Variants in NAA35 observed in about 807,000 individuals in gnomAD.
The protein encoded by NAA35 is N-alpha-acetyltransferase 35, NatC auxiliary subunit.
In NAA35, 18 loss-of-function variants were observed where a neutral mutation model predicts 101.7. That is an observed-to-expected ratio of 0.18 (90% CI 0.12 to 0.26). The LOEUF is 0.26. Ranked by LOEUF, NAA35 falls within the 10% of genes least tolerant of loss-of-function variation. The pLI is 1.00. For synonymous variants in NAA35, 267 were observed against 273.1 expected, an observed-to-expected ratio of 0.98 and a Z score of 0.22; for missense variants, 601 against 886.8, an observed-to-expected ratio of 0.68 and a Z score of 4.09.
chr9:85,961,168 C>T (rs1429499129), intron 5 of NAA35, among the ~76,000 whole-genome samples: 1 of 152,164 alleles, frequency 6.6e-6, no homozygotes, highest in Admixed American at 6.5e-5. Context: ...GTCTTCTGCA[C>T]ACTAGTTAAT....
At chr9:85,971,190 A>G (rs961224447) in intron 6 of NAA35, among the ~76,000 whole-genome samples, 1 of 152,038 alleles carries the variant, frequency 6.6e-6, no homozygotes, top group Non-Finnish European at 1.5e-5. Context: ...TGATTTGCTT[A>G]TGTTACTTTT....
chr9:86,010,225 G>A (rs1421633423), intron 15 of NAA35, among the ~76,000 whole-genome samples: 1 of 152,060 alleles, frequency 6.6e-6, no homozygotes, highest in Non-Finnish European at 1.5e-5. Context: ...CTGGGGGACA[G>A]AGTGAGACTT....
At position 85,958,669 on chromosome 9, in the gene NAA35, CGTT is replaced by C. The variant is rs1157307995; in HGVS notation, c.273+86_273+88del. 44 of 832,736 alleles carry C rather than the reference CGTT, an allele frequency of 5.3e-5. 1 individual carries two copies. In the East Asian group the frequency reaches 8.0e-4, roughly 15 times the overall value. The allele number at this position is 832,736 out of a possible 1,614,324, so 51.6% of individuals were successfully genotyped here. ...CATGGTGCTTAATAATGAAATGAAACGTTGTATTAAAGTCTGTTTCCTTCAAAG... is the reference window on the plus strand; with the variant it reads ...CATGGTGCTTAATAATGAAATGAAACGTATTAAAGTCTGTTTCCTTCAAAG... On this transcript the variant is annotated intron_variant, in intron 4 of 22. Transcript: ENST00000361671.
chr9:85,974,943 C>T (rs772406159), intron 6 of NAA35, 24 bp from the exon 7 acceptor site: 15 of 1,572,962 alleles, frequency 9.5e-6, no homozygotes, highest in Non-Finnish European at 8.7e-6. Context: ...TATTCATGAG[C>T]CTGATTATTT....
intron 2 of NAA35, among the ~76,000 whole-genome samples, chr9:85,955,360 A>ATTTTT (rs61549690): frequency 2.0e-4 from 11 of 53,940 alleles, no homozygotes; most frequent in East Asian, 7.6e-4. Context: ...ATATATATAT[A>ATTTTT]TTTTTTTTTT....
chr9:86,010,723 G>A (rs950538170), intron 15 of NAA35, among the ~76,000 whole-genome samples: 21 of 150,848 alleles, frequency 1.4e-4, no homozygotes, highest in Admixed American at 3.3e-4. Context: ...TACAGGCGCC[G>A]CCATCATGCC....
At chr9:86,018,574 G>A in intron 20 of NAA35, 125 bp from the exon 21 acceptor site, 1 of 1,359,954 alleles carries the variant, frequency 7.4e-7, no homozygotes, top group Non-Finnish European at 1.0e-6. Context: ...GAGATGTGCT[G>A]AATGTTTGCC....
intron 2 of NAA35, among the ~76,000 whole-genome samples, chr9:85,952,710 A>G (rs892507210): frequency 6.6e-6 from 1 of 152,294 alleles, no homozygotes; most frequent in Non-Finnish European, 1.5e-5. Flanking sequence ...GAATAAGATT[A>G]ATCAGGGCTG....
intron 22 of NAA35, 129 bp downstream of exon 22, chr9:86,021,098 T>C: frequency 1.6e-6 from 1 of 627,716 alleles, no homozygotes; most frequent in South Asian, 2.8e-5. Context: ...AAATTTTAGT[T>C]CAGCAGCAAA....
intron 2 of NAA35, among the ~76,000 whole-genome samples, chr9:85,955,327 C>CATATATATATAT (rs1173706353): frequency 1.2e-5 from 1 of 82,864 alleles, no homozygotes. Flanking sequence ...CATCTATATA[C>CATATATATATAT]ATATATATAT....
chr9:85,960,699 A>T lies in NAA35; in HGVS notation c.348+832A>T, dbSNP rs7022283. On this transcript the variant is annotated intron_variant, in intron 5 of 22. Transcript: ENST00000361671. ...AGTTTACAGTCCTAGTGGGTGGAGT[A>T]AAGAAAGGAGTCAAAGGATTGCTGG... Among the ~76,000 whole-genome samples, 756 of 152,284 alleles carry T rather than the reference A, an allele frequency of 5.0e-3. 4 individuals carry two copies. Among genetic ancestry groups the T allele is most frequent in the African/African-American group, 0.017 (723 of 41,558 alleles).
chr9:85,998,305 C>T (rs935120715), intron 12 of NAA35, among the ~76,000 whole-genome samples: 1 of 152,152 alleles, frequency 6.6e-6, no homozygotes, highest in East Asian at 1.9e-4. Flanking sequence ...TCATGAACAT[C>T]TTCCTTTTCA....
intron 6 of NAA35, among the ~76,000 whole-genome samples, chr9:85,973,422 G>T (rs186508600): frequency 7.2e-4 from 110 of 152,286 alleles, no homozygotes; most frequent in African/African-American, 2.6e-3. Context: ...TCTGGAGGTG[G>T]TTACAAGAGT....
At chr9:85,961,979 C>T in intron 5 of NAA35, 34 bp from the exon 6 acceptor site, 10 of 1,538,886 alleles carry the variant, frequency 6.5e-6, no homozygotes, top group Non-Finnish European at 7.9e-6. Flanking sequence ...CTCAGTTTAT[C>T]ACCTTAAATA....
chr9:85,964,978 T>C (rs998733677), intron 6 of NAA35, among the ~76,000 whole-genome samples: 1 of 152,252 alleles, frequency 6.6e-6, no homozygotes, highest in Non-Finnish European at 1.5e-5. Context: ...TTGCCTGGAC[T>C]AATGTTTACT....
chr9:85,986,127 C>G (rs1242984129), intron 11 of NAA35, among the ~76,000 whole-genome samples: 1 of 152,178 alleles, frequency 6.6e-6, no homozygotes, highest in Non-Finnish European at 1.5e-5. Context: ...CTCGAAGATA[C>G]AAGACCACTG....
rs147401738 is a variant in NAA35 at position 86,005,695 on chromosome 9, T to G, written c.1117-1663T>G. ...TCTATATACTTGAAATGAACAATGG[T>G]AGATCAAAATTTTAAAAACCAAACT... On this transcript the variant is annotated intron_variant, in intron 13 of 22. Coordinates refer to ENST00000361671, the MANE Select transcript of NAA35 (RefSeq NM_024635.4). Among the ~76,000 whole-genome samples, 1,231 of 151,720 alleles carry G rather than the reference T, an allele frequency of 8.1e-3. 12 individuals carry two copies. Among genetic ancestry groups the G allele is most frequent in the South Asian group, 0.034 (161 of 4,778 alleles).
intron 6 of NAA35, among the ~76,000 whole-genome samples, chr9:85,973,080 T>A (rs1414679949): frequency 6.6e-6 from 1 of 152,214 alleles, no homozygotes; most frequent in African/African-American, 2.4e-5. Context: ...ATATAAGGGA[T>A]GAAACCTTGT....
At position 85,959,919 on chromosome 9, in the gene NAA35, A is replaced by G. The variant is rs1168602618; in HGVS notation, c.348+52A>G. On this transcript the variant is annotated intron_variant, in intron 5 of 22. Coordinates refer to ENST00000361671, the MANE Select transcript of NAA35 (RefSeq NM_024635.4). ...TAATTTTAAAACTGTGACTTACCTG[A>G]ATCTTGTGATTTAAAAGCCTATACA... 3.7e-6 allele frequency: 5 copies of G among 1,347,364 alleles called. No homozygotes were observed. The African/African-American group carries it at 5.8e-5, about 16-fold the overall frequency. The allele number at this position is 1,347,364 out of a possible 1,614,324, so 83.5% of individuals were successfully genotyped here. A position where few individuals can be genotyped will look rare whatever the true frequency, so the allele number is the denominator to read the frequency against.
Sources: allele counts gnomAD v4.1 joint callset (sites outside exome capture counted in the v4.1 genomes callset), GRCh38; gene constraint gnomAD v4.1.1; transcripts MANE v1.5; gene names NCBI Gene and HGNC (gene_info 2026-07-23, HGNC 2026-07-21).